The following COL9A2 variants were observed in gnomAD, a reference collection of about 807,000 sequenced individuals.
The protein encoded by COL9A2 is collagen type IX alpha 2 chain, also known as collagen alpha-2(IX) chain.
Under a neutral mutation model 111.6 loss-of-function variants are expected in COL9A2, and 66 were observed. The ratio of observed to expected loss-of-function variants is 0.59; its 90% CI spans 0.48 to 0.73. The LOEUF (loss-of-function observed/expected upper bound fraction) is 0.73. COL9A2 is among the 30% of genes least tolerant of loss of function. COL9A2 has a pLI of 0.00. For synonymous variants in COL9A2, 353 were observed against 364.1 expected (o/e 0.97, Z 0.35); for missense variants, 881 against 954.1 (o/e 0.92, Z 1.01).
rs757717960 is a variant in COL9A2 at position 40,303,789 on chromosome 1, C to A, written c.1401+18G>T. The A allele has an allele frequency of 1.2e-5, 18 of 1,562,548 alleles. No homozygotes were observed. Among genetic ancestry groups the A allele is most frequent in the African/African-American group, 2.7e-5 (2 of 73,910 alleles). ...GCCGCCCAGGAAAGTCGGAGAACGCCGGGAGGGGAGGACTCACCTGTCCCT... is the reference window on the plus strand; with the variant it reads ...GCCGCCCAGGAAAGTCGGAGAACGCAGGGAGGGGAGGACTCACCTGTCCCT... On this transcript the variant is annotated intron_variant, in intron 27 of 31. Transcript: ENST00000372748. This position sits in a 1 kb window ranked among gnomAD's most constrained non-coding sequence, Gnocchi z 4.6.
chr1:40,301,726 C>T, intron 31 of COL9A2, 86 bp downstream of exon 31: 1 of 1,300,262 alleles, frequency 7.7e-7, no homozygotes, highest in Non-Finnish European at 1.1e-6. Flanking sequence ...GAGCGTGAGG[C>T]CGCCATGGAG....
In COL9A2 at chr1:40,305,768, C is replaced by A. The variant is rs755507989; in HGVS notation, c.1054G>T (p.Gly352Cys). ...PGTKGGPGDQGEPGPQGLPGF... is the reference protein window; with the variant it reads ...PGTKGGPGDQCEPGPQGLPGF... The stretch of plus-strand genomic sequence containing the variant: ...GGAAGGCCCTGCGGGCCCGGCTCAC[C>A]CTGCAGGAAAACAGTTCTCAGGTCA... Residue 352 changes from glycine to cysteine, a missense_variant and splice_region_variant, in exon 21 of 32, where the codon GGT (glycine) becomes TGT (cysteine). Transcript: ENST00000372748. 11 of 1,614,126 alleles carry A rather than the reference C, an allele frequency of 6.8e-6. No individual in the cohort carries two copies. In the South Asian group the frequency reaches 1.2e-4, roughly 18 times the overall value.
At chr1:40,305,268 C>T (rs765768979) in intron 21 of COL9A2, among the ~76,000 whole-genome samples, 45 of 151,862 alleles carry the variant, frequency 3.0e-4, no homozygotes, top group South Asian at 6.2e-4. Context: ...GGGGTTTCAC[C>T]GCGGTCTGGA....
In COL9A2 at chr1:40,312,102, C is replaced by A. The variant is rs779524087; in HGVS notation, c.374G>T (p.Gly125Val). The A allele has an allele frequency of 6.2e-7, 1 of 1,601,354 alleles. No homozygotes were observed. The highest frequency in any genetic ancestry group is 1.1e-5 in the South Asian group (1 of 87,854). The change falls in exon 8 of 32, where the codon GGA becomes GTA. Residue 125 changes from glycine to valine, a missense_variant. By Grantham distance (109) the Gly-to-Val change is moderately radical. Coordinates refer to ENST00000372748, the MANE Select transcript of COL9A2 (RefSeq NM_001852.4). This position sits in a 1 kb window ranked among gnomAD's most constrained non-coding sequence, Gnocchi z 6.0. Reference protein sequence around the residue: ...PGFAGPPGPPGPVGLPGEIGI... With the variant: ...PGFAGPPGPPVPVGLPGEIGI... Reference sequence around the variant, plus strand: ...AATCTCACCAGGGAGGCCAACAGGTCCAGGAGGCCCCTGGGGAGCAGAGAG... The same window carrying A: ...AATCTCACCAGGGAGGCCAACAGGTACAGGAGGCCCCTGGGGAGCAGAGAG...
At chr1:40,313,731 G>C (rs1340648674) in intron 4 of COL9A2, among the ~76,000 whole-genome samples, 1 of 152,166 alleles carries the variant, frequency 6.6e-6, no homozygotes, top group Non-Finnish European at 1.5e-5. Flanking sequence ...TCATGCCCCT[G>C]GGGCTGGCTG....
Position 40,317,122 on chromosome 1 carries a change from C to G in COL9A2, c.75+1G>C. 6.4e-7 allele frequency: 1 copy of G among 1,572,840 alleles called. No individual in the cohort carries two copies. The highest frequency in any genetic ancestry group is 8.6e-7 in the Non-Finnish European group (1 of 1,159,566). ...GGCAGCGGAGGGGCTGCGAAACTTA[C>G]AATCTGCGCCAGAGCGAGCACTACC... On this transcript the variant is annotated splice_donor_variant, in intron 1 of 31. Transcript: ENST00000372748. LOFTEE classifies it high-confidence loss of function. This position sits in a 1 kb window ranked among gnomAD's most constrained non-coding sequence, Gnocchi z 4.3.
rs1179040019 is a variant in COL9A2, at chr1:40,300,702, CCAG to C, written c.*477_*479del. ...GGTATAGCCGCCTCAGGGGAGTCAC[CCAG>C]CAGCAGTCACCTGGTAGGTCCAGAG... On this transcript the variant is annotated 3_prime_UTR_variant, in exon 32 of 32. Coordinates refer to ENST00000372748, the MANE Select transcript of COL9A2 (RefSeq NM_001852.4). This position sits in a 1 kb window ranked among gnomAD's most constrained non-coding sequence, Gnocchi z 4.4. The C allele has an allele frequency of 1.9e-5, 3 of 157,294 alleles. No individual in the cohort carries two copies. The highest frequency in any genetic ancestry group is 2.8e-5 in the Non-Finnish European group (2 of 71,388). 9.7% of individuals were successfully genotyped at this position (157,294 alleles called of 1,614,324 possible). A position where few individuals can be genotyped will look rare whatever the true frequency, so the allele number is the denominator to read the frequency against.
Position 40,311,713 on chromosome 1 carries a change from C to T in COL9A2, c.420G>A (p.Gly140=). The T allele has an allele frequency of 6.2e-7, 1 of 1,613,908 alleles. No individual in the cohort carries two copies. The highest frequency in any genetic ancestry group is 1.1e-5 in the South Asian group (1 of 91,078). ...PGEIGIRGPK[G]DPGPDGPSGP... ...CCGATGGTCCATCTGGTCCAGGGTC[C>T]CCCTGGAAGCAAAAGAAGCCCAAAT... The change falls in exon 9 of 32, where the codon GGG becomes GGA. Residue 140 remains glycine, a splice_region_variant and synonymous_variant. Coordinates refer to ENST00000372748, the MANE Select transcript of COL9A2 (RefSeq NM_001852.4). This position sits in a 1 kb window ranked among gnomAD's most constrained non-coding sequence, Gnocchi z 5.1.
chr1:40,301,484 AC>A, intron 31 of COL9A2, 103 bp from the exon 32 acceptor site: 1 of 971,110 alleles, frequency 1.0e-6, no homozygotes, highest in African/African-American at 1.6e-5. Context: ...AGGCCAAAAC[AC>A]CATAGGAGAA....
intron 16 of COL9A2, among the ~76,000 whole-genome samples, chr1:40,308,932 T>G (rs534665311): frequency 1.1e-3 from 175 of 152,312 alleles, no homozygotes; most frequent in South Asian, 2.3e-3. Flanking sequence ...GTTTTCTGTA[T>G]AGTTAAAAAA....
intron 22 of COL9A2, 55 bp downstream of exon 22, chr1:40,304,739 C>T (rs1643996568): frequency 1.3e-6 from 2 of 1,493,278 alleles, no homozygotes; most frequent in Non-Finnish European, 1.8e-6. Context: ...CTGTATCCAG[C>T]AGTGCCAGCT....
At chr1:40,313,451 A>G (rs1223420844) in intron 4 of COL9A2, among the ~76,000 whole-genome samples, 1 of 152,156 alleles carries the variant, frequency 6.6e-6, no homozygotes, top group Non-Finnish European at 1.5e-5. Context: ...TTACAGGCAT[A>G]AGCCACCACG....
In COL9A2 at chr1:40,301,379, G is replaced by A; in HGVS notation, c.1873C>T (p.Leu625Phe). Residue 625 changes from leucine to phenylalanine, a missense_variant and splice_region_variant, in exon 32 of 32, where the codon CTC (leucine) becomes TTC (phenylalanine). Transcript: ENST00000372748. ...ATTGCCTGGCCAGGCCGGCCAGGGA[G>A]TCCTGTGAACAGGAGAAAGTCAAGA... Reference protein sequence around the residue: ...GMPGPPGIPGLPGRPGQAING... With the variant: ...GMPGPPGIPGFPGRPGQAING... 1 of 1,608,044 alleles carries A rather than the reference G, an allele frequency of 6.2e-7. No individual in the cohort carries two copies. Among genetic ancestry groups the A allele is most frequent in the Non-Finnish European group, 8.5e-7 (1 of 1,176,368 alleles).
chr1:40,303,487 A>C lies in COL9A2; in HGVS notation c.1548+43T>G. 4 of 1,611,670 alleles carry C rather than the reference A, an allele frequency of 2.5e-6. No individual in the cohort carries two copies. Among genetic ancestry groups the C allele is most frequent in the Non-Finnish European group, 3.4e-6 (4 of 1,179,432 alleles). ...GCGGGTAAGCCGCACCCCAGAACAG[A>C]TCTACCTAGAAGAAGCACCTCCTAC... On this transcript the variant is annotated intron_variant, in intron 28 of 31. Coordinates refer to ENST00000372748, the MANE Select transcript of COL9A2 (RefSeq NM_001852.4). The surrounding 1 kb of genome is among the most constrained non-coding windows in gnomAD (Gnocchi z 4.6).
intron 4 of COL9A2, among the ~76,000 whole-genome samples, chr1:40,313,972 C>T (rs1459711914): frequency 6.6e-6 from 1 of 152,160 alleles, no homozygotes; most frequent in Non-Finnish European, 1.5e-5. Flanking sequence ...GAACCTGCAC[C>T]TCCCAGAAAG....
rs986858139 is a variant in COL9A2, at chr1:40,301,031, T to G, written c.*151A>C. 54 of 785,052 alleles carry G rather than the reference T, an allele frequency of 6.9e-5. 1 individual carries two copies. In the South Asian group the frequency reaches 8.3e-4, roughly 12 times the overall value. The allele number at this position is 785,052 out of a possible 1,614,324, so 48.6% of individuals were successfully genotyped here. A position where few individuals can be genotyped will look rare whatever the true frequency, so the allele number is the denominator to read the frequency against. On this transcript the variant is annotated 3_prime_UTR_variant, in exon 32 of 32. Coordinates refer to ENST00000372748, the MANE Select transcript of COL9A2 (RefSeq NM_001852.4). The stretch of plus-strand genomic sequence containing the variant: ...TGCTCTACCTCCCCTTCCCCCATGT[T>G]TTAGAATTCCTTTTCCTTAGGACTC...
chr1:40,315,332 T>C, intron 2 of COL9A2: 1 of 1,335,716 alleles, frequency 7.5e-7, no homozygotes, highest in Non-Finnish European at 9.6e-7. Context: ...GGATGAGGCC[T>C]CGCTGTGAGC....
intron 4 of COL9A2, among the ~76,000 whole-genome samples, chr1:40,313,177 T>C (rs74460311): frequency 0.083 from 12,681 of 151,982 alleles, 940 homozygotes; most frequent in African/African-American, 0.19. Context: ...CTTTCTTTTT[T>C]TTTTCAATTG....
In COL9A2 at chr1:40,302,531, T is replaced by C. The variant is rs1643929580; in HGVS notation, c.1792+90A>G. The C allele has an allele frequency of 7.1e-7, 1 of 1,409,784 alleles. No individual in the cohort carries two copies. The highest frequency in any genetic ancestry group is 1.4e-5 in the African/African-American group (1 of 70,266). 87.3% of individuals were successfully genotyped at this position (1,409,784 alleles called of 1,614,324 possible). A position where few individuals can be genotyped will look rare whatever the true frequency, so the allele number is the denominator to read the frequency against. On this transcript the variant is annotated intron_variant, in intron 30 of 31. Transcript: ENST00000372748. The surrounding 1 kb of genome is among the most constrained non-coding windows in gnomAD (Gnocchi z 4.5). Reference sequence around the variant, plus strand: ...GGCTGAGGAACCGGGGAAGGGTCTGTATGTCATCCTGAGAAGGGAATGGGG... The same window carrying C: ...GGCTGAGGAACCGGGGAAGGGTCTGCATGTCATCCTGAGAAGGGAATGGGG...
Sources: gnomAD v4.1 joint callset for allele counts (sites outside exome capture counted in the v4.1 genomes callset) on GRCh38, gnomAD v4.1.1 for gene constraint, Gnocchi (gnomAD v3.1) non-coding constraint, MANE v1.5 for transcripts, NCBI Gene and HGNC (gene_info 2026-07-23, HGNC 2026-07-21) for gene names.